MGST1: variants seen among roughly 807,000 people sequenced by gnomAD.
MGST1 encodes the protein microsomal glutathione S-transferase 1.
In MGST1, 5 loss-of-function variants were observed where a neutral mutation model predicts 8.9. The observed-to-expected ratio is 0.56, with a 90% CI of 0.29 to 1.19. MGST1 has a LOEUF of 1.19. MGST1 is among the 50% of genes most tolerant of loss of function. MGST1 has a pLI of 0.08. For missense variants in MGST1, 182 were observed against 187.4 expected (o/e 0.97, Z 0.17); for synonymous variants, 54 against 67.8 (o/e 0.80, Z 1.00).
chr12:16,385,554 T>A (rs572879265), intron 1 of MGST1, among the ~76,000 whole-genome samples: 1 of 152,338 alleles, frequency 6.6e-6, no homozygotes, highest in South Asian at 2.1e-4. Context: ...TTATACTTAT[T>A]TTATTAACAA....
chr12:16,418,579 A>T (rs945985439), intron 1 of MGST1, among the ~76,000 whole-genome samples: 3 of 152,138 alleles, frequency 2.0e-5, no homozygotes, highest in African/African-American at 7.2e-5. Context: ...GCAAACTCTA[A>T]TACTCTTAGT....
rs528172490 is a variant in MGST1, at chr12:16,407,196, A to G, written n.778+23592A>G. 2.0e-5 allele frequency among the ~76,000 whole-genome samples: 3 copies of G among 152,348 alleles called. No individual in the cohort carries two copies. In the South Asian group the frequency reaches 6.2e-4, roughly 32 times the overall value. ...AAAAGGTCTAATATCCAGCATCTCT[A>G]AGGAACTTAAACAAATTTACAAGAA... On this transcript the variant is annotated intron_variant and non_coding_transcript_variant, in intron 1 of 1. Coordinates refer to the MGST1 transcript ENST00000359720.
chr12:16,467,499 T>C (rs550059611), intron 4 of MGST1, among the ~76,000 whole-genome samples: 1 of 152,302 alleles, frequency 6.6e-6, no homozygotes, highest in Non-Finnish European at 1.5e-5. Flanking sequence ...ACTAGACAGA[T>C]TGCAGTGCTT....
At chr12:16,553,947 A>C (rs1404397302) in intron 4 of MGST1, among the ~76,000 whole-genome samples, 2 of 152,134 alleles carry the variant, frequency 1.3e-5, no homozygotes, top group African/African-American at 4.8e-5. Context: ...ATTACTAAAA[A>C]TAAACATAAT....
chr12:16,513,310 T>C lies in MGST1; in HGVS notation n.483-76218T>C, dbSNP rs146346900. ...ACTCTGATTCTCTCCACATTTCCCA[T>C]TGAAAATTCCTTAAAAAGGAGAATT... On this transcript the variant is annotated intron_variant and non_coding_transcript_variant, in intron 4 of 4. Coordinates refer to the MGST1 transcript ENST00000538857. The surrounding 1 kb of genome is among the most constrained non-coding windows in gnomAD (Gnocchi z 4.2). The C allele has an allele frequency of 1.4e-3, 347 of 249,818 alleles. 6 individuals are homozygous for C. In the East Asian group the frequency reaches 0.029, roughly 21 times the overall value. 15.5% of individuals were successfully genotyped at this position (249,818 alleles called of 1,614,324 possible).
chr12:16,380,160 T>G (rs555225907), downstream of MGST1, among the ~76,000 whole-genome samples: 146 of 152,306 alleles, frequency 9.6e-4, no homozygotes, highest in African/African-American at 3.3e-3. Context: ...GCTCTGATCT[T>G]AGTTATTTCT....
chr12:16,403,163 G>A (rs1033307041), intron 1 of MGST1, among the ~76,000 whole-genome samples: 6 of 151,990 alleles, frequency 3.9e-5, no homozygotes, highest in Non-Finnish European at 5.9e-5. Flanking sequence ...CACCTTGCAT[G>A]TGTCAATATG....
At position 16,363,020 on chromosome 12, in the gene MGST1, A is replaced by G. The variant is rs1235887561; in HGVS notation, c.222-775A>G. 1 of 152,140 alleles carries G rather than the reference A, an allele frequency of 6.6e-6. No individual in the cohort carries two copies. The highest frequency in any genetic ancestry group is 6.6e-5 in the Admixed American group (1 of 15,262). 9.4% of individuals were successfully genotyped at this position (152,140 alleles called of 1,614,324 possible). A position where few individuals can be genotyped will look rare whatever the true frequency, so the allele number is the denominator to read the frequency against. On this transcript the variant is annotated intron_variant, in intron 3 of 3. Transcript: ENST00000396210. The surrounding 1 kb of genome is among the most constrained non-coding windows in gnomAD (Gnocchi z 4.6). ...TTTGTATTCGGTCTTAGCCAGAGAA[A>G]CCCAAGATGCCACGGTTTGGAGCAA...
chr12:16,504,672 T>G (rs1941526438), intron 4 of MGST1, among the ~76,000 whole-genome samples: 1 of 152,156 alleles, frequency 6.6e-6, no homozygotes, highest in Non-Finnish European at 1.5e-5. Context: ...GTAGGGAAAT[T>G]TAAAGATGCT....
chr12:16,544,014 G>A lies in MGST1; in HGVS notation n.483-45514G>A, dbSNP rs1382914964. On this transcript the variant is annotated intron_variant and non_coding_transcript_variant, in intron 4 of 4. Transcript: ENST00000538857. This position sits in a 1 kb window ranked among gnomAD's most constrained non-coding sequence, Gnocchi z 4.8. ...TAAAACACTCATACTCTTCCTAAGT[G>A]TAAGCAGGTGATTTCTTATACTGCT... Among the ~76,000 whole-genome samples, 2 of 152,052 alleles carry A rather than the reference G, an allele frequency of 1.3e-5. No individual in the cohort carries two copies. The highest frequency in any genetic ancestry group is 2.9e-5 in the Non-Finnish European group (2 of 67,984).
rs1169113846 is a variant in MGST1 at position 16,497,043 on chromosome 12, AG to A, written n.483-92484del. Among the ~76,000 whole-genome samples, 4 of 152,180 alleles carry A rather than the reference AG, an allele frequency of 2.6e-5. No homozygotes were observed. The highest frequency in any genetic ancestry group is 9.6e-5 in the African/African-American group (4 of 41,456). On this transcript the variant is annotated intron_variant and non_coding_transcript_variant, in intron 4 of 4. Coordinates refer to the MGST1 transcript ENST00000538857. This position sits in a 1 kb window ranked among gnomAD's most constrained non-coding sequence, Gnocchi z 4.4. Reference sequence around the variant, plus strand: ...ATGGATTATAGAAAGGGAATAACTTAGATGCTGTTATCTAAGAATAAGCTTT... The same window carrying A: ...ATGGATTATAGAAAGGGAATAACTTAATGCTGTTATCTAAGAATAAGCTTT...
chr12:16,566,821 C>A (rs1222393768), intron 4 of MGST1, among the ~76,000 whole-genome samples: 2 of 152,106 alleles, frequency 1.3e-5, no homozygotes, highest in East Asian at 3.8e-4. Flanking sequence ...CATGCACATA[C>A]ACACATAATA....
chr12:16,387,529 C>CT (rs1706110982), intron 1 of MGST1, among the ~76,000 whole-genome samples: 2 of 137,458 alleles, frequency 1.5e-5, no homozygotes, highest in East Asian at 3.0e-4. Context: ...ACAGGTATAC[C>CT]ATTTTTTTTT....
Position 16,544,941 on chromosome 12 carries a change from C to T in MGST1, n.483-44587C>T, listed in dbSNP as rs540153013. The stretch of plus-strand genomic sequence containing the variant: ...ACCAAGGTTCATATCGTCAATAACA[C>T]AGATCCTGTAAGTTTAGCAAACACA... On this transcript the variant is annotated intron_variant and non_coding_transcript_variant, in intron 4 of 4. Coordinates refer to the MGST1 transcript ENST00000538857. The surrounding 1 kb of genome is among the most constrained non-coding windows in gnomAD (Gnocchi z 4.8). Among the ~76,000 whole-genome samples the T allele has an allele frequency of 3.3e-5, 5 of 152,120 alleles. No homozygotes were observed. Among genetic ancestry groups the T allele is most frequent in the Admixed American group, 1.3e-4 (2 of 15,256 alleles).
chr12:16,438,899 C>T (rs1463056310), downstream of MGST1: 1 of 151,770 alleles, frequency 6.6e-6, no homozygotes, highest in Non-Finnish European at 1.5e-5. Flanking sequence ...ACTTTGTGAG[C>T]AAAGGGGGTG....
intron 4 of MGST1, among the ~76,000 whole-genome samples, chr12:16,475,058 C>T (rs1021122219): frequency 3.3e-5 from 5 of 152,138 alleles, no homozygotes; most frequent in Middle Eastern, 3.4e-3. Flanking sequence ...GCATTTAGCT[C>T]GAGCTGCTTT....
chr12:16,485,543 A>T (rs1215854472), intron 4 of MGST1, among the ~76,000 whole-genome samples: 1 of 152,220 alleles, frequency 6.6e-6, no homozygotes, highest in East Asian at 1.9e-4. Context: ...GTCTTTCAAA[A>T]TATCCATAAA....
rs1400821489 is a variant in MGST1 at position 16,582,407 on chromosome 12, A to T, written n.483-7121A>T. Reference sequence around the variant, plus strand: ...TTTCAAGTTTTTGTATCTGTATGCAAAAATAGCATTAGTGTTTTATATTTT... The same window carrying T: ...TTTCAAGTTTTTGTATCTGTATGCATAAATAGCATTAGTGTTTTATATTTT... On this transcript the variant is annotated intron_variant and non_coding_transcript_variant, in intron 4 of 4. Coordinates refer to the MGST1 transcript ENST00000538857. The surrounding 1 kb of genome is among the most constrained non-coding windows in gnomAD (Gnocchi z 4.1). 6.6e-6 allele frequency among the ~76,000 whole-genome samples: 1 copy of T among 152,228 alleles called. No individual in the cohort carries two copies. The highest frequency in any genetic ancestry group is 1.5e-5 in the Non-Finnish European group (1 of 68,050).
chr12:16,489,662 G>A (rs576027044), intron 4 of MGST1, among the ~76,000 whole-genome samples: 1 of 152,284 alleles, frequency 6.6e-6, no homozygotes, highest in Non-Finnish European at 1.5e-5. Context: ...CTAACATTTA[G>A]AGATTAAATG....
Sources: allele counts gnomAD v4.1 joint callset (sites outside exome capture counted in the v4.1 genomes callset), GRCh38; gene constraint gnomAD v4.1.1; non-coding constraint Gnocchi (gnomAD v3.1); transcripts MANE v1.5; gene names NCBI Gene and HGNC (gene_info 2026-07-23, HGNC 2026-07-21).